Variants in MAP3K2 observed in about 807,000 individuals in gnomAD.
The protein encoded by MAP3K2 is mitogen-activated protein kinase kinase kinase 2.
Under a neutral mutation model 80.3 loss-of-function variants are expected in MAP3K2, and 24 were observed. That is an observed-to-expected ratio of 0.30 (90% CI 0.22 to 0.42). MAP3K2 has a LOEUF of 0.42. Among genes scored for constraint, MAP3K2 ranks in the 10% least tolerant of loss-of-function variants. The pLI is 1.00. For synonymous variants in MAP3K2, 244 were observed against 253.7 expected (o/e 0.96, Z 0.36); for missense variants, 608 against 750.1 (o/e 0.81, Z 2.21).
At chr2:127,309,394 A>G (rs1685766064) in intron 15 of MAP3K2, among the ~76,000 whole-genome samples, 1 of 152,114 alleles carries the variant, frequency 6.6e-6, no homozygotes, top group Admixed American at 6.5e-5. Flanking sequence ...AGATTTACAG[A>G]ATTATTGCAA....
chr2:127,318,043 A>G, intron 13 of MAP3K2, 126 bp downstream of exon 13: 2 of 805,534 alleles, frequency 2.5e-6, no homozygotes, highest in African/African-American at 2.0e-5. Context: ...TACTAAAGAA[A>G]ACTGCTTTTT....
chr2:127,360,078 C>T (rs1008117387), intron 1 of MAP3K2, among the ~76,000 whole-genome samples: 2 of 152,164 alleles, frequency 1.3e-5, no homozygotes. Context: ...ATGTTCTTAG[C>T]AGATTTATTT....
At chr2:127,349,127 A>C (rs891937182) in intron 1 of MAP3K2, among the ~76,000 whole-genome samples, 4 of 152,004 alleles carry the variant, frequency 2.6e-5, no homozygotes, top group Non-Finnish European at 4.4e-5. Context: ...TTAACACAGA[A>C]TATAACATAA....
At chr2:127,374,277 A>G (rs11691088) in intron 1 of MAP3K2, among the ~76,000 whole-genome samples, 40,817 of 152,056 alleles carry the variant, frequency 0.27, 5,736 homozygotes, top group Middle Eastern at 0.32. Context: ...CCCTGTGTGC[A>G]CTTTTTCTCC....
chr2:127,318,509 A>C (rs1210176428), intron 12 of MAP3K2, among the ~76,000 whole-genome samples, 192 bp from the exon 13 acceptor site: 1 of 152,192 alleles, frequency 6.6e-6, no homozygotes, highest in Non-Finnish European at 1.5e-5. Flanking sequence ...TACAAATCCT[A>C]AATCAAAAAG....
rs182330897 is a variant in MAP3K2 at position 127,304,586 on chromosome 2, A to G, written c.*2993T>C. On this transcript the variant is annotated 3_prime_UTR_variant, in exon 17 of 17. Transcript: ENST00000682094. ...GACCATTTTCCAGCGTCAGCAAAGA[A>G]GCATTACAGTATAGAAGAATCAATT... The G allele has an allele frequency of 6.5e-6, 1 of 152,734 alleles. No individual in the cohort carries two copies. Among genetic ancestry groups the G allele is most frequent in the Admixed American group, 6.5e-5 (1 of 15,280 alleles). 9.5% of individuals were successfully genotyped at this position (152,734 alleles called of 1,614,324 possible).
chr2:127,368,060 G>C (rs919152570), intron 1 of MAP3K2, among the ~76,000 whole-genome samples: 12 of 151,268 alleles, frequency 7.9e-5, no homozygotes, highest in African/African-American at 2.9e-4. Flanking sequence ...GGTGGCTCAC[G>C]CCTGTAATCC....
chr2:127,332,052 G>GT (rs1341405289), intron 5 of MAP3K2, among the ~76,000 whole-genome samples: 1 of 152,172 alleles, frequency 6.6e-6, no homozygotes, highest in Non-Finnish European at 1.5e-5. Context: ...TTGTATTACT[G>GT]TAAGGGACCG....
In MAP3K2 at chr2:127,322,494, C is replaced by T. The variant is rs1686044443; in HGVS notation, c.839-242G>A. ...ACACACACACATCTTAAAAAGGAAC[C>T]TCCTCACTTCTGGATAAAAAGGAGG... On this transcript the variant is annotated intron_variant, in intron 11 of 16. Coordinates refer to ENST00000682094, the MANE Select transcript of MAP3K2 (RefSeq NM_001371910.2). The surrounding 1 kb of genome is among the most constrained non-coding windows in gnomAD (Gnocchi z 4.2). 6.6e-6 allele frequency among the ~76,000 whole-genome samples: 1 copy of T among 152,118 alleles called. No homozygotes were observed. Among genetic ancestry groups the T allele is most frequent in the Non-Finnish European group, 1.5e-5 (1 of 68,016 alleles).
rs1685947622 is a variant in MAP3K2, at chr2:127,318,281, A to C, written c.1082T>G (p.Leu361Arg). The C allele has an allele frequency of 6.2e-7, 1 of 1,605,562 alleles. No individual in the cohort carries two copies. The highest frequency in any genetic ancestry group is 1.3e-5 in the African/African-American group (1 of 74,530). The change falls in exon 13 of 17, where the codon CTG becomes CGG. Residue 361 changes from leucine (L) to arginine (R), a missense_variant. Leu to Arg is a moderately radical substitution (Grantham distance 102). Coordinates refer to ENST00000682094, the MANE Select transcript of MAP3K2 (RefSeq NM_001371910.2). ...RAPTNWRLGKLLGQGAFGRVY... is the reference protein window; with the variant it reads ...RAPTNWRLGKRLGQGAFGRVY... Reference sequence around the variant, plus strand: ...CCTTCCAAAGGCTCCTTGGCCAAGCAGTTTGCCCAATCTCCAGTTGGTCGG... The same window carrying C: ...CCTTCCAAAGGCTCCTTGGCCAAGCCGTTTGCCCAATCTCCAGTTGGTCGG...
intron 15 of MAP3K2, among the ~76,000 whole-genome samples, chr2:127,312,447 TACAGAA>T (rs1685824322): frequency 6.6e-6 from 1 of 152,102 alleles, no homozygotes; most frequent in African/African-American, 2.4e-5. Flanking sequence ...ATTTGAGAAA[TACAGAA>T]AAAGTATATA....
rs765010648 is a variant in MAP3K2 at position 127,322,108 on chromosome 2, C to T, written c.983G>A (p.Arg328Lys). 3.8e-5 allele frequency: 61 copies of T among 1,613,742 alleles called. No individual in the cohort carries two copies. Among genetic ancestry groups the T allele is most frequent in the Non-Finnish European group, 5.1e-5 (60 of 1,179,854 alleles). The change falls in exon 12 of 17, where the codon AGA becomes AAA. Residue 328 changes from arginine (R) to lysine (K), a missense_variant. Physicochemically the swap from Arg to Lys is conservative, Grantham distance 26. Around this residue, in one of 4 missense-constraint regions of MAP3K2, gnomAD observed 467 missense variants for 521.9 expected, o/e 0.89. Transcript: ENST00000682094. This position sits in a 1 kb window ranked among gnomAD's most constrained non-coding sequence, Gnocchi z 4.2. ...AGGATTGTCTATGTCACTTCCCCTT[C>T]TTCTTATTCGACTATCATCATACTC... ...TPEYDDSRIR[R>K]RGSDIDNPTL...
intron 5 of MAP3K2, among the ~76,000 whole-genome samples, chr2:127,330,838 TACAG>T (rs1209468852): frequency 3.9e-5 from 6 of 152,174 alleles, no homozygotes; most frequent in African/African-American, 9.7e-5. Flanking sequence ...AATGAAGAAG[TACAG>T]ACAAAGACCA....
In MAP3K2 at chr2:127,387,923, G is replaced by A; in HGVS notation, c.-537C>T. 2.0e-6 allele frequency: 2 copies of A among 982,144 alleles called. No homozygotes were observed. Among genetic ancestry groups the A allele is most frequent in the Non-Finnish European group, 2.4e-6 (2 of 827,304 alleles). The allele number at this position is 982,144 out of a possible 1,614,324, so 60.8% of individuals were successfully genotyped here. A position where few individuals can be genotyped will look rare whatever the true frequency, so the allele number is the denominator to read the frequency against. On this transcript the variant is annotated 5_prime_UTR_variant, in exon 1 of 17. Transcript: ENST00000682094. ...CCAGCGGCCGCGGCACCCTCGTCAG[G>A]CGCCGCCGCTGAGGGCAGGCAGCCC...
intron 1 of MAP3K2, among the ~76,000 whole-genome samples, chr2:127,360,726 A>G (rs1686871344): frequency 6.6e-6 from 1 of 152,234 alleles, no homozygotes; most frequent in East Asian, 1.9e-4. Context: ...TGATTTTTAA[A>G]AAATATATTA....
At chr2:127,375,406 A>ATTT (rs200517629) in intron 1 of MAP3K2, among the ~76,000 whole-genome samples, 23 of 140,372 alleles carry the variant, frequency 1.6e-4, no homozygotes, top group South Asian at 1.3e-3. Context: ...ATTATTATTT[A>ATTT]TTTATTTATT....
At chr2:127,346,256 CA>C (rs1686592737) in intron 1 of MAP3K2, among the ~76,000 whole-genome samples, 1 of 150,990 alleles carries the variant, frequency 6.6e-6, no homozygotes, top group South Asian at 2.1e-4. Context: ...TAAAAAGAAA[CA>C]AATTATCAAA....
At chr2:127,378,631 G>A (rs780889751) in intron 1 of MAP3K2, among the ~76,000 whole-genome samples, 7 of 152,152 alleles carry the variant, frequency 4.6e-5, no homozygotes, top group Non-Finnish European at 7.3e-5. Context: ...AAACTCAACA[G>A]CTAGTCACAA....
Position 127,387,771 on chromosome 2 carries a change from G to A in MAP3K2, c.-385C>T, listed in dbSNP as rs1687397972. The stretch of plus-strand genomic sequence containing the variant: ...CGGGAACTGGGCAGGAAAGGAGGAA[G>A]CCGCGGGCCCGCGTCGCTAGAGACC... On this transcript the variant is annotated 5_prime_UTR_variant, in exon 1 of 17. Coordinates refer to ENST00000682094, the MANE Select transcript of MAP3K2 (RefSeq NM_001371910.2). The A allele has an allele frequency of 2.0e-6, 2 of 985,192 alleles. No individual in the cohort carries two copies. Among genetic ancestry groups the A allele is most frequent in the Non-Finnish European group, 2.4e-6 (2 of 829,792 alleles). The allele number at this position is 985,192 out of a possible 1,614,324, so 61.0% of individuals were successfully genotyped here.
Sources: gnomAD v4.1 joint callset for allele counts (sites outside exome capture counted in the v4.1 genomes callset) on GRCh38, gnomAD v4.1.1 for gene constraint, gnomAD v4.1.1 regional missense constraint, Gnocchi (gnomAD v3.1) non-coding constraint, MANE v1.5 for transcripts, NCBI Gene and HGNC (gene_info 2026-07-23, HGNC 2026-07-21) for gene names.